The following GPC6 variants were observed in gnomAD, a reference collection of about 807,000 sequenced individuals.
The protein encoded by GPC6 is glypican 6.
GPC6 carries 14 observed loss-of-function variants against 55.2 expected under a neutral mutation model. That is an observed-to-expected ratio of 0.25 (90% CI 0.17 to 0.40). The LOEUF (loss-of-function observed/expected upper bound fraction) is 0.40, where lower values mean the gene tolerates loss of function less well. GPC6 is among the 10% of genes least tolerant of loss of function. The probability of loss-of-function intolerance (pLI) is 1.00; values close to 1 mark genes in which losing one functional copy is unlikely to be tolerated. For missense variants in GPC6, 641 were observed against 708.5 expected, an observed-to-expected ratio of 0.90 and a Z score of 1.08; for synonymous variants, 278 against 259.6, an observed-to-expected ratio of 1.07 and a Z score of -0.68.
At chr13:93,361,368 C>T (rs867162651) in intron 1 of GPC6, among the ~76,000 whole-genome samples, 1 of 152,124 alleles carries the variant, frequency 6.6e-6, no homozygotes, top group African/African-American at 2.4e-5. Flanking sequence ...CTGTCATTGT[C>T]TCTAATTCCT....
At chr13:94,072,857 G>T (rs1306352053) in intron 4 of GPC6, among the ~76,000 whole-genome samples, 1 of 152,182 alleles carries the variant, frequency 6.6e-6, no homozygotes, top group African/African-American at 2.4e-5. Context: ...GACTAGAGGG[G>T]TGATGCCCAC....
chr13:93,517,375 A>G (rs1249965252), intron 1 of GPC6, among the ~76,000 whole-genome samples: 3 of 152,128 alleles, frequency 2.0e-5, no homozygotes, highest in Non-Finnish European at 4.4e-5. Context: ...CTACATTTTC[A>G]TATGCTAACT....
At chr13:93,924,492 A>G (rs1224917248) in intron 3 of GPC6, among the ~76,000 whole-genome samples, 2 of 152,216 alleles carry the variant, frequency 1.3e-5, no homozygotes, top group South Asian at 2.1e-4. Context: ...TTAGGGGGAA[A>G]AAAAGCATTA....
At chr13:94,037,799 T>C (rs867559589) in intron 4 of GPC6, among the ~76,000 whole-genome samples, 1 of 151,892 alleles carries the variant, frequency 6.6e-6, no homozygotes, top group Non-Finnish European at 1.5e-5. Flanking sequence ...ATAAGCTATA[T>C]TGGAAGAAAT....
intron 2 of GPC6, among the ~76,000 whole-genome samples, chr13:93,752,645 T>C (rs1000644442): frequency 1.3e-5 from 2 of 152,126 alleles, no homozygotes; most frequent in Admixed American, 1.3e-4. Flanking sequence ...CAGAGTTGCA[T>C]GTTGAAAGGG....
intron 2 of GPC6, among the ~76,000 whole-genome samples, chr13:93,578,401 C>G (rs1225378559): frequency 6.6e-6 from 1 of 151,846 alleles, no homozygotes; most frequent in East Asian, 1.9e-4. Flanking sequence ...TTGAAATTTT[C>G]TATTTCTTCA....
At chr13:93,943,754 G>C (rs777405071) in intron 3 of GPC6, among the ~76,000 whole-genome samples, 14 of 151,894 alleles carry the variant, frequency 9.2e-5, no homozygotes, top group Non-Finnish European at 1.6e-4. Context: ...ACTCTCCTAC[G>C]CTAAAAAAGC....
intron 1 of GPC6, among the ~76,000 whole-genome samples, chr13:93,544,290 G>A (rs1164577546): frequency 6.6e-6 from 1 of 152,028 alleles, no homozygotes; most frequent in African/African-American, 2.4e-5. Context: ...TTCACACAAG[G>A]TCATAGGACA....
intron 2 of GPC6, among the ~76,000 whole-genome samples, chr13:93,547,457 C>A (rs972342133): frequency 3.3e-5 from 5 of 152,082 alleles, no homozygotes; most frequent in African/African-American, 1.2e-4. Flanking sequence ...TTTCTAATCC[C>A]ACATCTGGTT....
intron 2 of GPC6, among the ~76,000 whole-genome samples, chr13:93,679,492 G>T (rs1318889769): frequency 6.6e-6 from 1 of 152,128 alleles, no homozygotes; most frequent in Non-Finnish European, 1.5e-5. Context: ...TATTTTTAAA[G>T]TGATATAACT....
intron 1 of GPC6, among the ~76,000 whole-genome samples, chr13:93,249,894 C>T (rs1876724899): frequency 6.6e-6 from 1 of 152,182 alleles, no homozygotes; most frequent in South Asian, 2.1e-4. Flanking sequence ...TCTCCTTCTC[C>T]TTCTCTTCTT....
chr13:94,033,807 C>T (rs950584574), intron 4 of GPC6, among the ~76,000 whole-genome samples: 17 of 152,024 alleles, frequency 1.1e-4, no homozygotes, highest in Non-Finnish European at 2.2e-4. Context: ...AAAAGAAAAA[C>T]CCAAGAGCTG....
chr13:93,941,419 C>T (rs892919779), intron 3 of GPC6, among the ~76,000 whole-genome samples: 2 of 152,046 alleles, frequency 1.3e-5, no homozygotes, highest in African/African-American at 2.4e-5. Flanking sequence ...ATCCACTAGC[C>T]CACCATATAA....
intron 1 of GPC6, among the ~76,000 whole-genome samples, chr13:93,453,972 G>C (rs955677519): frequency 6.6e-6 from 1 of 152,130 alleles, no homozygotes; most frequent in Non-Finnish European, 1.5e-5. Context: ...TGGTAGAGCG[G>C]AGTGGTCTGT....
intron 1 of GPC6, among the ~76,000 whole-genome samples, chr13:93,520,234 G>A (rs889750085): frequency 3.3e-5 from 5 of 151,856 alleles, no homozygotes; most frequent in Admixed American, 6.6e-5. Flanking sequence ...GTGACTGTGC[G>A]AAATTATAGC....
chr13:93,697,121 G>A (rs12877343), intron 2 of GPC6, among the ~76,000 whole-genome samples: 1 of 152,052 alleles, frequency 6.6e-6, no homozygotes, highest in Non-Finnish European at 1.5e-5. Context: ...AAGCTCCTTA[G>A]CATGACCTGC....
intron 4 of GPC6, among the ~76,000 whole-genome samples, chr13:94,096,553 T>A (rs961620071): frequency 1.3e-5 from 2 of 152,164 alleles, no homozygotes; most frequent in African/African-American, 4.8e-5. Flanking sequence ...TTGCCTACAT[T>A]TTTTAGATGA....
At chr13:94,027,939 G>A (rs1374911685) in intron 4 of GPC6, 45 bp downstream of exon 4, 2 of 1,561,688 alleles carry the variant, frequency 1.3e-6, no homozygotes, top group East Asian at 2.2e-5. Context: ...CGGGACAACA[G>A]CAAGTGTTTA....
intron 3 of GPC6, among the ~76,000 whole-genome samples, chr13:93,921,047 C>T (rs955049870): frequency 3.3e-5 from 5 of 152,218 alleles, no homozygotes; most frequent in Admixed American, 3.3e-4. Flanking sequence ...CACTGAACTT[C>T]TGCTCATCAG....
Sources: gnomAD v4.1 joint callset for allele counts (sites outside exome capture counted in the v4.1 genomes callset) on GRCh38, gnomAD v4.1.1 for gene constraint, MANE v1.5 for transcripts, NCBI Gene and HGNC (gene_info 2026-07-23, HGNC 2026-07-21) for gene names.